Variants in KDM4C observed in about 807,000 individuals in gnomAD.
KDM4C encodes lysine demethylase 4C.
KDM4C carries 81 observed loss-of-function variants against 129.3 expected under a neutral mutation model. That is an observed-to-expected ratio of 0.63 (90% CI 0.52 to 0.75). KDM4C has a LOEUF of 0.75. Ranked by LOEUF, KDM4C falls within the 30% of genes least tolerant of loss-of-function variation. The pLI is 0.00. For synonymous variants in KDM4C, 573 were observed against 456.1 expected (o/e 1.26, Z -3.26); for missense variants, 1,457 against 1,304.0 (o/e 1.12, Z -1.81).
At chr9:6,939,403 A>T (rs10815484) in intron 8 of KDM4C, among the ~76,000 whole-genome samples, 46,412 of 151,936 alleles carry the variant, frequency 0.31, 7,320 homozygotes, top group Middle Eastern at 0.41. Context: ...CTGATTCTAC[A>T]TTATGGTGAG....
chr9:6,883,322 T>C (rs1844758554), intron 6 of KDM4C, among the ~76,000 whole-genome samples: 1 of 152,196 alleles, frequency 6.6e-6, no homozygotes, highest in African/African-American at 2.4e-5. Context: ...TAAAGTACCC[T>C]GTAAGCCATA....
intron 1 of KDM4C, among the ~76,000 whole-genome samples, chr9:6,789,599 C>T (rs1055377066): frequency 2.0e-5 from 3 of 151,996 alleles, no homozygotes; most frequent in Non-Finnish European, 4.4e-5. Flanking sequence ...CTCCTGGACT[C>T]GAGTGATCTG....
intron 2 of KDM4C, among the ~76,000 whole-genome samples, chr9:6,800,709 C>G (rs945265342): frequency 5.3e-5 from 8 of 152,176 alleles, no homozygotes; most frequent in African/African-American, 1.7e-4. Context: ...TCACTGCAGC[C>G]TTGTCCTCCC....
At chr9:6,929,563 G>C (rs114790993) in intron 8 of KDM4C, among the ~76,000 whole-genome samples, 2 of 151,242 alleles carry the variant, frequency 1.3e-5, no homozygotes, top group African/African-American at 4.9e-5. Context: ...GCAGAGGCTG[G>C]TTGGTTAGGT....
intron 17 of KDM4C, among the ~76,000 whole-genome samples, chr9:7,089,187 T>C (rs774484790): frequency 6.6e-6 from 1 of 152,236 alleles, no homozygotes; most frequent in Admixed American, 6.5e-5. Context: ...TTTTAATGTA[T>C]TTTGTGGGTT....
At chr9:6,930,139 C>T (rs976839902) in intron 8 of KDM4C, among the ~76,000 whole-genome samples, 2 of 152,140 alleles carry the variant, frequency 1.3e-5, no homozygotes, top group Non-Finnish European at 2.9e-5. Context: ...AGATTCCCTG[C>T]AGAAATTAAA....
chr9:6,976,925 G>C (rs1489503861), intron 8 of KDM4C, among the ~76,000 whole-genome samples: 1 of 152,094 alleles, frequency 6.6e-6, no homozygotes, highest in Non-Finnish European at 1.5e-5. Context: ...CATAGGTCTA[G>C]AGATATGATA....
At chr9:6,936,887 A>T (rs62533820) in intron 8 of KDM4C, among the ~76,000 whole-genome samples, 38,851 of 152,074 alleles carry the variant, frequency 0.26, 5,392 homozygotes, top group South Asian at 0.4. Context: ...AAGGGGAATG[A>T]AAAGATTTTA....
At chr9:7,038,737 A>G (rs1196955744) in intron 15 of KDM4C, among the ~76,000 whole-genome samples, 2 of 152,058 alleles carry the variant, frequency 1.3e-5, no homozygotes, top group African/African-American at 2.4e-5. Flanking sequence ...TTTAATGGAC[A>G]ATGTTAAATT....
intron 15 of KDM4C, among the ~76,000 whole-genome samples, chr9:7,036,144 A>G (rs1461870103): frequency 6.6e-6 from 1 of 151,706 alleles, no homozygotes; most frequent in Non-Finnish European, 1.5e-5. Flanking sequence ...ATTTATTTGT[A>G]TCTCCTTCAG....
chr9:7,034,023 G>A (rs1290100656), intron 15 of KDM4C, among the ~76,000 whole-genome samples: 1 of 150,376 alleles, frequency 6.6e-6, no homozygotes, highest in Non-Finnish European at 1.5e-5. Flanking sequence ...TTTTTTTTTG[G>A]TGGTGGTGGT....
At chr9:7,143,002 G>A (rs565215536) in intron 19 of KDM4C, among the ~76,000 whole-genome samples, 96 of 152,124 alleles carry the variant, frequency 6.3e-4, no homozygotes, top group Non-Finnish European at 1.1e-3. Context: ...TTGCAAGCAG[G>A]CCCATCTCCT....
chr9:6,804,090 T>G (rs926864249), intron 2 of KDM4C, among the ~76,000 whole-genome samples: 1 of 152,244 alleles, frequency 6.6e-6, no homozygotes, highest in African/African-American at 2.4e-5. Flanking sequence ...CCCAAAGTGC[T>G]AAGGTTACAG....
chr9:6,903,274 G>C (rs577810690), intron 8 of KDM4C, among the ~76,000 whole-genome samples: 1 of 152,242 alleles, frequency 6.6e-6, no homozygotes, highest in Admixed American at 6.5e-5. Flanking sequence ...CTGTTTTGTT[G>C]ATTATTGAAA....
chr9:6,830,806 T>G (rs555989798), intron 4 of KDM4C, among the ~76,000 whole-genome samples: 17 of 152,342 alleles, frequency 1.1e-4, no homozygotes, highest in African/African-American at 4.1e-4. Context: ...GCACCAGCCC[T>G]CTGCCATGTG....
intron 8 of KDM4C, among the ~76,000 whole-genome samples, chr9:6,931,659 C>T (rs1056020794): frequency 6.6e-6 from 1 of 152,106 alleles, no homozygotes; most frequent in African/African-American, 2.4e-5. Flanking sequence ...TGCCACCACA[C>T]CCAGCTAATT....
In KDM4C at chr9:7,092,885, A is replaced by T. The variant is rs138646097; in HGVS notation, c.2425-10800A>T. On this transcript the variant is annotated intron_variant, in intron 17 of 21. Coordinates refer to ENST00000381309, the MANE Select transcript of KDM4C (RefSeq NM_015061.6). ...AGATCTCACAGAAATGGAATTTTTA[A>T]ATATTGAGAAGATTCCATTAAGAAA... is the stretch of plus-strand genomic sequence containing the variant. Among the ~76,000 whole-genome samples, 9 of 152,288 alleles carry T rather than the reference A, an allele frequency of 5.9e-5. No individual in the cohort carries two copies. The East Asian group carries it at 1.7e-3, about 29-fold the overall frequency.
intron 8 of KDM4C, among the ~76,000 whole-genome samples, chr9:6,937,724 T>C (rs1825078175): frequency 6.6e-6 from 1 of 152,114 alleles, no homozygotes; most frequent in Admixed American, 6.5e-5. Context: ...TTTAATTTAA[T>C]TTTTTCAGAC....
At chr9:6,881,168 C>G (rs1844389977) in intron 6 of KDM4C, among the ~76,000 whole-genome samples, 2 of 152,166 alleles carry the variant, frequency 1.3e-5, no homozygotes, top group South Asian at 4.1e-4. Context: ...CTTGACTTGA[C>G]AGTTTTTAAC....
Sources: allele counts gnomAD v4.1 joint callset (sites outside exome capture counted in the v4.1 genomes callset), GRCh38; gene constraint gnomAD v4.1.1; transcripts MANE v1.5; gene names NCBI Gene and HGNC (gene_info 2026-07-23, HGNC 2026-07-21).